The following REDIC1 variants were observed in gnomAD, a reference collection of about 807,000 sequenced individuals.
REDIC1 encodes the protein regulator of DNA class I crossover intermediates 1, also known as HEI10 Interacting Protein 1.
At chr12:39,888,063 G>C in the REDIC1 span, among the ~76,000 whole-genome samples, 1 of 152,178 alleles carries the variant, frequency 6.6e-6, no homozygotes, top group Non-Finnish European at 1.5e-5. Flanking sequence ...CTGACAGATT[G>C]ATTGCACTGA....
chr12:39,777,006 A>G, the REDIC1 span, among the ~76,000 whole-genome samples: 317 of 152,252 alleles, frequency 2.1e-3, 1 homozygote, highest in African/African-American at 7.5e-3. Context: ...TATAGTTGCT[A>G]TGGGAGGTAA....
the REDIC1 span, among the ~76,000 whole-genome samples, chr12:39,683,909 T>C: frequency 1.3e-5 from 2 of 152,250 alleles, no homozygotes; most frequent in South Asian, 4.1e-4. Context: ...AGAATCACTA[T>C]AGGGAGTGAT....
the REDIC1 span, among the ~76,000 whole-genome samples, chr12:39,808,079 A>G: frequency 7.9e-5 from 12 of 152,194 alleles, no homozygotes; most frequent in Admixed American, 2.6e-4. Flanking sequence ...CACAGACAAG[A>G]GAGTAAACAT....
the REDIC1 span, among the ~76,000 whole-genome samples, chr12:39,766,297 A>T: frequency 6.6e-6 from 1 of 152,088 alleles, no homozygotes; most frequent in Non-Finnish European, 1.5e-5. Context: ...GGTCACACGG[A>T]TTTTTTGGTT....
chr12:39,830,588 G>T, the REDIC1 span: 1 of 587,688 alleles, frequency 1.7e-6, no homozygotes, highest in Non-Finnish European at 2.2e-6. Flanking sequence ...ATCCAGCCCT[G>T]ACTGGTTCCA....
the REDIC1 span, among the ~76,000 whole-genome samples, chr12:39,693,313 G>T: frequency 6.6e-6 from 1 of 151,714 alleles, no homozygotes; most frequent in African/African-American, 2.4e-5. Flanking sequence ...TAGTCTGATG[G>T]AATACCTTGA....
At chr12:39,690,000 A>G in the REDIC1 span, among the ~76,000 whole-genome samples, 1 of 152,178 alleles carries the variant, frequency 6.6e-6, no homozygotes, top group Non-Finnish European at 1.5e-5. Context: ...TAGAGCAGGT[A>G]TGGGGACTTT....
chr12:39,788,486 A>T, the REDIC1 span: 3 of 152,186 alleles, frequency 2.0e-5, no homozygotes, highest in Admixed American at 2.0e-4. Context: ...GGGACTGAGA[A>T]GATGATTTCA....
chr12:39,773,752 G>T, the REDIC1 span, among the ~76,000 whole-genome samples: 1 of 152,148 alleles, frequency 6.6e-6, no homozygotes. Flanking sequence ...TATGACCTGT[G>T]TATAAAAACC....
At chr12:39,644,268 C>G in the REDIC1 span, among the ~76,000 whole-genome samples, 1 of 151,646 alleles carries the variant, frequency 6.6e-6, no homozygotes, top group African/African-American at 2.4e-5. Flanking sequence ...CTATTCTTTA[C>G]TATTTAAAGG....
At chr12:39,681,884 G>C in the REDIC1 span, among the ~76,000 whole-genome samples, 2 of 151,846 alleles carry the variant, frequency 1.3e-5, no homozygotes, top group South Asian at 4.1e-4. Flanking sequence ...TCCAACCTCT[G>C]GAACAACTCA....
At chr12:39,774,686 A>T in the REDIC1 span, among the ~76,000 whole-genome samples, 1 of 151,896 alleles carries the variant, frequency 6.6e-6, no homozygotes, top group African/African-American at 2.4e-5. Context: ...ATTTTCTAAT[A>T]AAAAAGTCTT....
At chr12:39,905,519 C>T in the REDIC1 span, among the ~76,000 whole-genome samples, 4 of 152,060 alleles carry the variant, frequency 2.6e-5, no homozygotes, top group Non-Finnish European at 4.4e-5. Context: ...TTCTCATTTA[C>T]AAATATGGTC....
chr12:39,659,257 TTTCTA>T, the REDIC1 span, among the ~76,000 whole-genome samples: 387 of 152,118 alleles, frequency 2.5e-3, 1 homozygote, highest in African/African-American at 8.4e-3. Flanking sequence ...TAAACATTGA[TTTCTA>T]TTCTTTGATT....
the REDIC1 span, among the ~76,000 whole-genome samples, chr12:39,816,686 T>A: frequency 6.6e-6 from 1 of 152,090 alleles, no homozygotes; most frequent in Non-Finnish European, 1.5e-5. Flanking sequence ...ACTTAATTTT[T>A]AAAAATAAAA....
the REDIC1 span, among the ~76,000 whole-genome samples, chr12:39,867,663 T>C: frequency 6.6e-6 from 1 of 152,170 alleles, no homozygotes; most frequent in South Asian, 2.1e-4. Context: ...AAAAGTTAAC[T>C]CTTCTTAAGC....
the REDIC1 span, among the ~76,000 whole-genome samples, chr12:39,880,291 TC>T: frequency 5.3e-5 from 8 of 152,332 alleles, no homozygotes; most frequent in Admixed American, 2.6e-4. Context: ...GGAAAATACA[TC>T]AATAGCTTTA....
chr12:39,697,402 C>G, the REDIC1 span, among the ~76,000 whole-genome samples: 1 of 152,040 alleles, frequency 6.6e-6, no homozygotes, highest in African/African-American at 2.4e-5. Flanking sequence ...AGTTAATGAG[C>G]AAGAAGAAAT....
the REDIC1 span, among the ~76,000 whole-genome samples, chr12:39,695,757 A>T: frequency 6.6e-6 from 1 of 152,196 alleles, no homozygotes; most frequent in East Asian, 1.9e-4. Context: ...TTGAGAAAGC[A>T]TAGGCAGTAG....
Sources: allele counts gnomAD v4.1 joint callset (sites outside exome capture counted in the v4.1 genomes callset), GRCh38; gene constraint gnomAD v4.1.1; transcripts MANE v1.5; gene names NCBI Gene and HGNC (gene_info 2026-07-23, HGNC 2026-07-21).